The following MARCHF1 variants were observed in gnomAD, a reference collection of about 807,000 sequenced individuals.
MARCHF1 encodes membrane associated ring-CH-type finger 1, also known as E3 ubiquitin-protein ligase MARCHF1.
MARCHF1 carries 40 observed loss-of-function variants against 54.2 expected under a neutral mutation model. The ratio of observed to expected loss-of-function variants is 0.74; its 90% CI spans 0.57 to 0.96. The LOEUF is 0.96. Among genes scored for constraint, MARCHF1 ranks in the 40% least tolerant of loss-of-function variants. MARCHF1 has a pLI of 0.00. For missense variants in MARCHF1, 586 were observed against 656.5 expected, an observed-to-expected ratio of 0.89 and a Z score of 1.17; for synonymous variants, 236 against 236.3, an observed-to-expected ratio of 1.00 and a Z score of 0.01.
chr4:164,070,449 A>T (rs1241326465), intron 2 of MARCHF1, among the ~76,000 whole-genome samples: 1 of 152,168 alleles, frequency 6.6e-6, no homozygotes, highest in Non-Finnish European at 1.5e-5. Flanking sequence ...AAAGACTGGG[A>T]TCATTTTAAA....
chr4:164,168,864 T>C (rs2110968024), intron 1 of MARCHF1, among the ~76,000 whole-genome samples: 1 of 152,236 alleles, frequency 6.6e-6, no homozygotes, highest in Non-Finnish European at 1.5e-5. Context: ...ATCTTTTTTA[T>C]GTTATATGTA....
intron 1 of MARCHF1, among the ~76,000 whole-genome samples, chr4:164,206,754 G>A (rs1731618077): frequency 6.6e-6 from 1 of 151,938 alleles, no homozygotes; most frequent in South Asian, 2.1e-4. Context: ...TTGAATTGGG[G>A]TCTCACTCCT....
chr4:164,368,033 CA>C (rs965073840), intron 1 of MARCHF1, among the ~76,000 whole-genome samples: 5 of 104,676 alleles, frequency 4.8e-5, no homozygotes, highest in Non-Finnish European at 8.4e-5. Context: ...GAATTCAACA[CA>C]AAAAAAAGAT....
At chr4:164,284,655 C>T (rs1734102561) in intron 1 of MARCHF1, among the ~76,000 whole-genome samples, 1 of 150,884 alleles carries the variant, frequency 6.6e-6, no homozygotes, top group African/African-American at 2.4e-5. Flanking sequence ...CTAGGTTGTT[C>T]TTTATTTCTA....
Position 163,930,419 on chromosome 4 carries a change from G to A in MARCHF1, c.-39+58082C>T, listed in dbSNP as rs572879592. Among the ~76,000 whole-genome samples, 10 of 151,852 alleles carry A rather than the reference G, an allele frequency of 6.6e-5. No homozygotes were observed. The East Asian group carries it at 1.9e-3, about 29-fold the overall frequency. On this transcript the variant is annotated intron_variant, in intron 3 of 9. Coordinates refer to ENST00000514618, the MANE Select transcript of MARCHF1 (RefSeq NM_001394959.1). ...TTTGGGGAAGGCATGAGGTCCAGGT[G>A]AGGATGTTACCTTAGGAGTTTGGAA...
rs946104214 is a variant in MARCHF1 at position 163,551,299 on chromosome 4, A to G, written c.1192-5556T>C. ...AAGCCTATTAAAATCTAATTATACT[A>G]GTAACAATTTCAAATACTCTGGGAG... On this transcript the variant is annotated intron_variant, in intron 8 of 9. Coordinates refer to ENST00000514618, the MANE Select transcript of MARCHF1 (RefSeq NM_001394959.1). Among the ~76,000 whole-genome samples the G allele has an allele frequency of 6.6e-5, 10 of 152,246 alleles. 1 individual carries two copies. Among genetic ancestry groups the G allele is most frequent in the Admixed American group, 5.2e-4 (8 of 15,290 alleles).
intron 2 of MARCHF1, among the ~76,000 whole-genome samples, chr4:164,051,646 A>C (rs1417182638): frequency 6.6e-6 from 1 of 152,216 alleles, no homozygotes; most frequent in African/African-American, 2.4e-5. Context: ...AACTTGCAGA[A>C]GGTAGGTAAC....
chr4:163,722,087 G>T (rs890048536), intron 4 of MARCHF1, among the ~76,000 whole-genome samples: 18 of 152,140 alleles, frequency 1.2e-4, no homozygotes, highest in African/African-American at 4.1e-4. Context: ...GAATGTGTTT[G>T]CTCTTGCTTC....
At chr4:164,196,252 A>G (rs557223298) in intron 1 of MARCHF1, among the ~76,000 whole-genome samples, 32 of 152,248 alleles carry the variant, frequency 2.1e-4, no homozygotes, top group African/African-American at 7.7e-4. Context: ...TATATTTTCC[A>G]CACTGTTTTT....
chr4:164,019,519 C>A (rs1753615843), intron 2 of MARCHF1, among the ~76,000 whole-genome samples: 1 of 152,132 alleles, frequency 6.6e-6, no homozygotes, highest in Admixed American at 6.6e-5. Context: ...TAGAACACTG[C>A]AATCTGTGAC....
chr4:164,024,899 A>G (rs1447248688), intron 2 of MARCHF1, among the ~76,000 whole-genome samples: 1 of 152,184 alleles, frequency 6.6e-6, no homozygotes, highest in African/African-American at 2.4e-5. Flanking sequence ...AAGATCTACC[A>G]TGCAAATGGA....
At chr4:164,235,482 A>G (rs1560966501) in intron 1 of MARCHF1, among the ~76,000 whole-genome samples, 1 of 152,114 alleles carries the variant, frequency 6.6e-6, no homozygotes, top group East Asian at 1.9e-4. Flanking sequence ...GTTGTCGTTT[A>G]CTTCTTAAGT....
chr4:163,890,734 C>T (rs1422631823), intron 3 of MARCHF1, among the ~76,000 whole-genome samples: 1 of 151,900 alleles, frequency 6.6e-6, no homozygotes, highest in South Asian at 2.1e-4. Flanking sequence ...TGTATAATTA[C>T]TTTTGGAATA....
In MARCHF1 at chr4:164,153,692, TA is replaced by T. The variant is rs1560930165; in HGVS notation, c.-322-42031del. ...TATACATCATACAAACAACCAAAAC[TA>T]AAAATTGAAAAGAAAAATTCATCAC... On this transcript the variant is annotated intron_variant, in intron 1 of 9. Coordinates refer to ENST00000514618, the MANE Select transcript of MARCHF1 (RefSeq NM_001394959.1). Among the ~76,000 whole-genome samples, 3 of 152,152 alleles carry T rather than the reference TA, an allele frequency of 2.0e-5. No individual in the cohort carries two copies. In the East Asian group the frequency reaches 5.8e-4, roughly 29 times the overall value.
At chr4:163,696,875 T>C (rs1161524874) in intron 5 of MARCHF1, among the ~76,000 whole-genome samples, 1 of 152,174 alleles carries the variant, frequency 6.6e-6, no homozygotes, top group Non-Finnish European at 1.5e-5. Flanking sequence ...TGTCTATACT[T>C]CTTTTTTAGG....
At chr4:163,989,558 C>G (rs1296085455) in intron 2 of MARCHF1, among the ~76,000 whole-genome samples, 6 of 152,110 alleles carry the variant, frequency 3.9e-5, no homozygotes, top group Non-Finnish European at 8.8e-5. Context: ...ACAGACTTTA[C>G]TATTACTGTC....
At chr4:163,667,966 C>T (rs1743600660) in intron 5 of MARCHF1, among the ~76,000 whole-genome samples, 1 of 152,082 alleles carries the variant, frequency 6.6e-6, no homozygotes, top group African/African-American at 2.4e-5. Context: ...TTTTTACGGT[C>T]CTGCTTTTGA....
chr4:164,036,339 T>TA (rs1487704085), intron 2 of MARCHF1, among the ~76,000 whole-genome samples: 1 of 152,064 alleles, frequency 6.6e-6, no homozygotes, highest in Non-Finnish European at 1.5e-5. Flanking sequence ...CAATTGGAGA[T>TA]AGAGATTGAA....
intron 2 of MARCHF1, among the ~76,000 whole-genome samples, chr4:164,102,545 T>A (rs1755589295): frequency 6.7e-6 from 1 of 150,136 alleles, no homozygotes; most frequent in Non-Finnish European, 1.5e-5. Flanking sequence ...AATAAAATCC[T>A]TTACAGACAA....
Sources: allele counts gnomAD v4.1 joint callset (sites outside exome capture counted in the v4.1 genomes callset), GRCh38; gene constraint gnomAD v4.1.1; transcripts MANE v1.5; gene names NCBI Gene and HGNC (gene_info 2026-07-23, HGNC 2026-07-21).